Variants in MLF1 observed in about 807,000 individuals in gnomAD.
The protein encoded by MLF1 is myelodysplasia-myeloid leukemia factor 1.
A neutral mutation model predicts 38.3 loss-of-function variants in MLF1; 37 were observed. That is an observed-to-expected ratio of 0.96 (90% confidence interval 0.74 to 1.27). MLF1 has a LOEUF of 1.27. MLF1 is among the 50% of genes most tolerant of loss of function. The pLI is 0.00. For missense variants in MLF1, 331 were observed against 349.2 expected (o/e 0.95, Z 0.42); for synonymous variants, 95 against 106.5 (o/e 0.89, Z 0.66).
intron 1 of MLF1, among the ~76,000 whole-genome samples, chr3:158,587,454 C>T (rs7624687): frequency 5.9e-5 from 9 of 152,092 alleles, no homozygotes; most frequent in Non-Finnish European, 7.4e-5. Flanking sequence ...TTTGAGACAC[C>T]AGTAACCTAT....
At chr3:158,580,306 A>G (rs904631320) in intron 1 of MLF1, among the ~76,000 whole-genome samples, 1 of 151,880 alleles carries the variant, frequency 6.6e-6, no homozygotes, top group Non-Finnish European at 1.5e-5. Flanking sequence ...AAAAAAAGAA[A>G]GATTTTGTGA....
At chr3:158,587,475 CAG>C (rs1338320789) in intron 1 of MLF1, among the ~76,000 whole-genome samples, 1 of 152,108 alleles carries the variant, frequency 6.6e-6, no homozygotes, top group Admixed American at 6.5e-5. Context: ...CTGTGACACT[CAG>C]AAGCTCTGTA....
chr3:158,574,523 A>AACAAAAAAC (rs1553830588), intron 1 of MLF1, among the ~76,000 whole-genome samples: 1 of 115,698 alleles, frequency 8.6e-6, no homozygotes, highest in Non-Finnish European at 2.0e-5. Flanking sequence ...AAAAAAAAAA[A>AACAAAAAAC]AAAATACAAA....
At chr3:158,593,500 A>T in intron 3 of MLF1, 74 bp downstream of exon 3, 2 of 1,232,914 alleles carry the variant, frequency 1.6e-6, no homozygotes, top group Non-Finnish European at 2.3e-6. Flanking sequence ...ACTCAAGCTG[A>T]CTGAATTGGC....
intron 1 of MLF1, among the ~76,000 whole-genome samples, chr3:158,578,339 T>G (rs953865091): frequency 1.3e-5 from 2 of 152,090 alleles, no homozygotes; most frequent in Non-Finnish European, 2.9e-5. Flanking sequence ...AGTATCTATA[T>G]TCTTATATAG....
At chr3:158,602,757 G>A (rs1396820313) in intron 6 of MLF1, 50 bp from the exon 7 acceptor site, 4 of 1,580,130 alleles carry the variant, frequency 2.5e-6, no homozygotes, top group Non-Finnish European at 3.5e-6. Context: ...GGCAGTTACT[G>A]ACAGTTGATA....
intron 3 of MLF1, 46 bp from the exon 4 acceptor site, chr3:158,596,816 T>A (rs781178505): frequency 1.6e-6 from 2 of 1,279,664 alleles, no homozygotes; most frequent in Non-Finnish European, 2.2e-6. Context: ...TTGCATCTTT[T>A]GTGTTGTTAC....
intron 1 of MLF1, among the ~76,000 whole-genome samples, chr3:158,571,782 C>CGTGAGGTGAGGGGAAGGGTTGAGGGT (rs1714364737): frequency 3.6e-5 from 1 of 27,498 alleles, no homozygotes; most frequent in African/African-American, 1.8e-4. Flanking sequence ...GGGTTGAGGG[C>CGTGAGGTGAGGGGAAGGGTTGAGGGT]GTGAGGTGAG....
At chr3:158,581,298 T>C (rs147903403) in intron 1 of MLF1, among the ~76,000 whole-genome samples, 108 of 152,292 alleles carry the variant, frequency 7.1e-4, no homozygotes, top group African/African-American at 2.4e-3. Flanking sequence ...CCAGTGAATA[T>C]TGGAAAAAAT....
chr3:158,574,706 T>G (rs1302649948), intron 1 of MLF1, among the ~76,000 whole-genome samples: 2 of 148,732 alleles, frequency 1.3e-5, no homozygotes, highest in Non-Finnish European at 3.0e-5. Flanking sequence ...AAAAAAAGAA[T>G]ATTTAGCCAG....
Position 158,605,278 on chromosome 3 carries a change from C to T in MLF1, c.*76C>T. On this transcript the variant is annotated 3_prime_UTR_variant, in exon 8 of 8. Transcript: ENST00000466246. The stretch of plus-strand genomic sequence containing the variant: ...TGGTGCTGGGTAATAAGCATAAGAC[C>T]AATCTCTTGCTGTTAAATCAGTTCT... 9.1e-7 allele frequency: 1 copy of T among 1,104,950 alleles called. No individual in the cohort carries two copies. Among genetic ancestry groups the T allele is most frequent in the African/African-American group, 1.6e-5 (1 of 63,844 alleles). 68.4% of individuals were successfully genotyped at this position (1,104,950 alleles called of 1,614,324 possible).
rs546414727 is a variant in MLF1 at position 158,572,910 on chromosome 3, C to T, written c.47+1563C>T. Among the ~76,000 whole-genome samples the T allele has an allele frequency of 1.1e-4, 17 of 151,726 alleles. No individual in the cohort carries two copies. The South Asian group carries it at 3.1e-3, about 28-fold the overall frequency. ...TGGAAAGAAGGCCCTTCCTCACACT[C>T]CCGGGGTGCCTGCTGCTTTCCATTT... On this transcript the variant is annotated intron_variant, in intron 1 of 7. Coordinates refer to ENST00000466246, the MANE Select transcript of MLF1 (RefSeq NM_001369783.1).
At chr3:158,584,671 G>GTA in intron 1 of MLF1, among the ~76,000 whole-genome samples, 1 of 84,506 alleles carries the variant, frequency 1.2e-5, no homozygotes, top group African/African-American at 3.8e-5. Flanking sequence ...GTGTGTGTGT[G>GTA]TGTGTGTGTG....
At chr3:158,592,309 C>A (rs1036715529) in intron 1 of MLF1, 125 bp from the exon 2 acceptor site, 2 of 693,052 alleles carry the variant, frequency 2.9e-6, no homozygotes, top group Non-Finnish European at 4.4e-6. Flanking sequence ...AAATAGAGTT[C>A]TCTTCTACTC....
intron 1 of MLF1, chr3:158,590,680 G>A (rs1263643289): frequency 4.8e-6 from 2 of 412,404 alleles, no homozygotes; most frequent in East Asian, 1.4e-4. Flanking sequence ...ATCTGGAGAA[G>A]ACCAAACTAT....
At chr3:158,587,360 G>A (rs1017666571) in intron 1 of MLF1, among the ~76,000 whole-genome samples, 4 of 152,150 alleles carry the variant, frequency 2.6e-5, no homozygotes, top group Admixed American at 6.5e-5. Flanking sequence ...CTTGGGGTAC[G>A]AGAAGGGACA....
In MLF1 at chr3:158,597,960, C is replaced by T. The variant is rs1191601720; in HGVS notation, c.325-120C>T. ...GAACCTGGGTGTGCCTTTGACTACA[C>T]CATATTGGTAGTTTAGTATCCTTAG... On this transcript the variant is annotated intron_variant, in intron 4 of 7. Transcript: ENST00000466246. The T allele has an allele frequency of 4.6e-6, 5 of 1,092,318 alleles. No homozygotes were observed. The Admixed American group carries it at 1.2e-4, about 26-fold the overall frequency. 67.7% of individuals were successfully genotyped at this position (1,092,318 alleles called of 1,614,324 possible).
chr3:158,593,459 A>G lies in MLF1; in HGVS notation c.240+33A>G, dbSNP rs755485376. On this transcript the variant is annotated intron_variant, in intron 3 of 7. Transcript: ENST00000466246. ...TCTTAAGACACAAATCATTTTAGCAATATTTTCTGACAAATATTTATTTTT... is the reference window on the plus strand; with the variant it reads ...TCTTAAGACACAAATCATTTTAGCAGTATTTTCTGACAAATATTTATTTTT... 5 of 1,508,860 alleles carry G rather than the reference A, an allele frequency of 3.3e-6. 1 individual carries two copies. The highest frequency in any genetic ancestry group is 2.0e-5 in the Admixed American group (1 of 49,914). 93.5% of individuals were successfully genotyped at this position (1,508,860 alleles called of 1,614,324 possible).
chr3:158,571,337 C>A lies in MLF1; in HGVS notation c.37C>A (p.Pro13Thr), dbSNP rs769067113. Residue 13 changes from proline (P) to threonine (T), a missense_variant, in exon 1 of 8, where the codon CCC becomes ACC. Pro to Thr is a conservative substitution (Grantham distance 38). Transcript: ENST00000466246. ...GCTGAACAGCAGTTTTGAGGATGAC[C>A]CCTTCTTCTCGTGAGTTACGGGAGC... ...RMLNSSFEDD[P>T]FFSESILAHR... 2 of 1,613,096 alleles carry A rather than the reference C, an allele frequency of 1.2e-6. No individual in the cohort carries two copies. The highest frequency in any genetic ancestry group is 1.7e-6 in the Non-Finnish European group (2 of 1,179,918).
Sources: allele counts gnomAD v4.1 joint callset (sites outside exome capture counted in the v4.1 genomes callset), GRCh38; gene constraint gnomAD v4.1.1; transcripts MANE v1.5; gene names NCBI Gene and HGNC (gene_info 2026-07-23, HGNC 2026-07-21).